Variants in MYO18B observed in about 807,000 individuals in gnomAD.
MYO18B encodes unconventional myosin-XVIIIb.
In MYO18B, 204 loss-of-function variants were observed where a neutral mutation model predicts 273.0. The ratio of observed to expected loss-of-function variants is 0.75; its 90% CI spans 0.67 to 0.84. The LOEUF is 0.84. MYO18B is among the 40% of genes least tolerant of loss of function. The pLI is 0.00. For missense variants in MYO18B, 3,212 were observed against 3,287.6 expected (o/e 0.98, Z 0.56); for synonymous variants, 1,330 against 1,305.7 (o/e 1.02, Z -0.40).
intron 17 of MYO18B, 22 bp from the exon 18 acceptor site, chr22:25,843,712 CA>C: frequency 2.5e-6 from 4 of 1,605,312 alleles, no homozygotes; most frequent in Non-Finnish European, 3.4e-6. Flanking sequence ...CTCCAGCACT[CA>C]TGCCACCATG....
At chr22:25,807,995 A>T (rs1214664150) in intron 12 of MYO18B, among the ~76,000 whole-genome samples, 3 of 152,224 alleles carry the variant, frequency 2.0e-5, no homozygotes, top group East Asian at 3.9e-4. Context: ...TTTAAAAATC[A>T]TAATGTTGCA....
At chr22:26,049,461 T>A in the MYO18B span, among the ~76,000 whole-genome samples, 1 of 152,200 alleles carries the variant, frequency 6.6e-6, no homozygotes. Flanking sequence ...TATTTAAGCA[T>A]TGGGGAGTAC....
intron 33 of MYO18B, among the ~76,000 whole-genome samples, chr22:25,912,345 CCA>C (rs1336714486): frequency 6.6e-6 from 1 of 152,072 alleles, no homozygotes; most frequent in Non-Finnish European, 1.5e-5. Flanking sequence ...CAGCCCAGTA[CCA>C]GATTCTAGAA....
In MYO18B at chr22:25,955,248, G is replaced by T. The variant is rs567989287; in HGVS notation, c.6040G>T (p.Glu2014Ter). 6.2e-7 allele frequency: 1 copy of T among 1,613,650 alleles called. No homozygotes were observed. Among genetic ancestry groups the T allele is most frequent in the East Asian group, 2.2e-5 (1 of 44,866 alleles). ...GGAGCTTTCACAGGCGGCCACCTCC[G>T]AGTCCCAGCAGCGGGAGAGCAGCCA... ...GEELSQAATS[E>*]SQQRESSQYY... Residue 2014 changes from glutamate to a stop codon, truncating the protein, a stop_gained, in exon 39 of 44, where the codon GAG becomes TAG. Coordinates refer to ENST00000335473, the MANE Select transcript of MYO18B (RefSeq NM_032608.7). LOFTEE classifies it high-confidence loss of function.
chr22:25,766,460 C>A (rs571800791), intron 3 of MYO18B, among the ~76,000 whole-genome samples: 5 of 152,120 alleles, frequency 3.3e-5, no homozygotes, highest in Admixed American at 1.3e-4. Context: ...CAGAATGGAA[C>A]GCAGAAGGTG....
Position 25,955,351 on chromosome 22 carries a change from G to C in MYO18B, c.6143G>C (p.Arg2048Pro). ...LVQREAEASR[R>P]CMELEKYVEE... ...CAGCGGGAGGCAGAGGCCAGCCGGC[G>C]GTGCATGGAGCTGGTGAGTCCTGTC... is the stretch of plus-strand genomic sequence containing the variant. Residue 2048 changes from arginine (R) to proline (P), a missense_variant, in exon 39 of 44, where the codon CGG (arginine) becomes CCG (proline). By Grantham distance (103) the Arg-to-Pro change is moderately radical. Transcript: ENST00000335473. The C allele has an allele frequency of 6.2e-7, 1 of 1,612,932 alleles. No homozygotes were observed. The highest frequency in any genetic ancestry group is 1.1e-5 in the South Asian group (1 of 90,972).
intron 1 of MYO18B, among the ~76,000 whole-genome samples, chr22:25,753,337 A>T (rs1213023412): frequency 6.6e-6 from 1 of 152,086 alleles, no homozygotes; most frequent in Non-Finnish European, 1.5e-5. Context: ...CTAGCTAAGG[A>T]TTTGTAAACG....
At chr22:26,011,927 G>A (rs1173029978) in intron 42 of MYO18B, among the ~76,000 whole-genome samples, 1 of 152,158 alleles carries the variant, frequency 6.6e-6, no homozygotes, top group Non-Finnish European at 1.5e-5. Context: ...CTAAAAGATG[G>A]CATTACAACT....
At chr22:25,959,878 A>G (rs1269762077) in intron 39 of MYO18B, among the ~76,000 whole-genome samples, 1 of 152,148 alleles carries the variant, frequency 6.6e-6, no homozygotes, top group Non-Finnish European at 1.5e-5. Flanking sequence ...CTTTCAACCC[A>G]ACCTTGCTGA....
At chr22:25,785,134 C>T (rs1007083626) in intron 10 of MYO18B, among the ~76,000 whole-genome samples, 2 of 152,184 alleles carry the variant, frequency 1.3e-5, no homozygotes, top group Non-Finnish European at 2.9e-5. Context: ...TGAGTGAGGT[C>T]GCTCAGCTGA....
At chr22:25,910,582 A>C (rs894053611) in intron 32 of MYO18B, among the ~76,000 whole-genome samples, 1 of 152,146 alleles carries the variant, frequency 6.6e-6, no homozygotes, top group African/African-American at 2.4e-5. Context: ...CATTTTTGAT[A>C]TGTTGGTTAT....
At chr22:25,922,891 C>G (rs1200442548) in intron 34 of MYO18B, among the ~76,000 whole-genome samples, 4 of 152,166 alleles carry the variant, frequency 2.6e-5, no homozygotes, top group Non-Finnish European at 5.9e-5. Context: ...AGACCTCAAC[C>G]AAAACAAAAC....
chr22:25,916,702 C>G (rs2146418099), intron 33 of MYO18B, among the ~76,000 whole-genome samples: 1 of 152,242 alleles, frequency 6.6e-6, no homozygotes, highest in African/African-American at 2.4e-5. Flanking sequence ...TTGTTGAGAT[C>G]TCTTTGTTGC....
intron 18 of MYO18B, among the ~76,000 whole-genome samples, chr22:25,844,381 C>G (rs1257112435): frequency 6.8e-6 from 1 of 146,876 alleles, no homozygotes; most frequent in African/African-American, 2.5e-5. Flanking sequence ...TGTGTGTGTG[C>G]ATGCACACTC....
At chr22:25,800,741 T>A (rs5752213) in intron 12 of MYO18B, among the ~76,000 whole-genome samples, 10,033 of 152,290 alleles carry the variant, frequency 0.066, 574 homozygotes, top group East Asian at 0.21. Context: ...CAGGGAAGTG[T>A]AGGAGCTCAA....
At chr22:25,812,441 A>G (rs1199205527) in intron 12 of MYO18B, among the ~76,000 whole-genome samples, 1 of 152,074 alleles carries the variant, frequency 6.6e-6, no homozygotes, top group African/African-American at 2.4e-5. Flanking sequence ...CCCAGAGTAC[A>G]TTTACTTCCC....
chr22:25,779,749 C>G (rs972914762), intron 8 of MYO18B, among the ~76,000 whole-genome samples: 14 of 151,636 alleles, frequency 9.2e-5, no homozygotes, highest in Non-Finnish European at 2.1e-4. Flanking sequence ...TCTGGGAAGC[C>G]CTAGGGCAGC....
intron 39 of MYO18B, among the ~76,000 whole-genome samples, chr22:25,969,879 C>G (rs758827560): frequency 4.6e-5 from 7 of 152,182 alleles, no homozygotes; most frequent in Non-Finnish European, 1.0e-4. Context: ...TGTTTAAATA[C>G]TTATTACAGT....
chr22:26,038,647 TACAC>T, the MYO18B span, among the ~76,000 whole-genome samples: 1 of 152,108 alleles, frequency 6.6e-6, no homozygotes, highest in African/African-American at 2.4e-5. Flanking sequence ...GAGCTGTAGT[TACAC>T]TCTCTCTCCA....
Sources: allele counts gnomAD v4.1 joint callset (sites outside exome capture counted in the v4.1 genomes callset), GRCh38; gene constraint gnomAD v4.1.1; transcripts MANE v1.5; gene names NCBI Gene and HGNC (gene_info 2026-07-23, HGNC 2026-07-21).